The following RPS6KC1 variants were observed in gnomAD, a reference collection of about 807,000 sequenced individuals.
RPS6KC1 encodes the protein inactive ribosomal protein S6 kinase delta-1.
RPS6KC1 carries 54 observed loss-of-function variants against 103.8 expected under a neutral mutation model. The ratio of observed to expected loss-of-function variants is 0.52; its 90% CI spans 0.42 to 0.65. The LOEUF is 0.65. Ranked by LOEUF, RPS6KC1 falls within the 30% of genes least tolerant of loss-of-function variation. The pLI, the probability that RPS6KC1 is intolerant of heterozygous loss-of-function variation, is 0.00. For synonymous variants in RPS6KC1, 439 were observed against 438.7 expected, an observed-to-expected ratio of 1.00 and a Z score of -0.01; for missense variants, 1,151 against 1,253.8, an observed-to-expected ratio of 0.92 and a Z score of 1.24.
At chr1:213,090,834 A>G (rs962452555) in intron 3 of RPS6KC1, among the ~76,000 whole-genome samples, 2 of 152,242 alleles carry the variant, frequency 1.3e-5, no homozygotes, top group Non-Finnish European at 2.9e-5. Context: ...CTACATGTTA[A>G]CATAAAAGGA....
At chr1:213,292,253 T>C in the RPS6KC1 span, among the ~76,000 whole-genome samples, 1 of 9,430 alleles carries the variant, frequency 1.1e-4, no homozygotes, top group East Asian at 0.014. Flanking sequence ...AGTATAATAA[T>C]AATAAAATTA....
intron 3 of RPS6KC1, among the ~76,000 whole-genome samples, chr1:213,091,020 A>C (rs539146994): frequency 1.5e-4 from 23 of 152,224 alleles, no homozygotes; most frequent in African/African-American, 4.6e-4. Flanking sequence ...TACATGAGTA[A>C]AATTCAGGGT....
the RPS6KC1 span, among the ~76,000 whole-genome samples, chr1:213,708,079 A>C: frequency 6.6e-6 from 1 of 152,228 alleles, no homozygotes; most frequent in Admixed American, 6.5e-5. Flanking sequence ...TCTGTGAAGA[A>C]AGTCAATGGT....
At chr1:213,764,172 G>A in the RPS6KC1 span, among the ~76,000 whole-genome samples, 2 of 152,186 alleles carry the variant, frequency 1.3e-5, no homozygotes, top group African/African-American at 4.8e-5. Context: ...ACTTGTTCAG[G>A]TCTTGCTGAG....
Position 213,207,756 on chromosome 1 carries a change from C to A in RPS6KC1, c.1045-22741C>A, listed in dbSNP as rs566327945. On this transcript the variant is annotated intron_variant, in intron 8 of 14. Coordinates refer to ENST00000366960, the MANE Select transcript of RPS6KC1 (RefSeq NM_012424.6). ...TGGCGCGATCTCAGCTCACTGCAACCTCTGCCTCCTGAGTTCAAGTGATTC... is the reference window on the plus strand; with the variant it reads ...TGGCGCGATCTCAGCTCACTGCAACATCTGCCTCCTGAGTTCAAGTGATTC... 5.3e-5 allele frequency among the ~76,000 whole-genome samples: 8 copies of A among 152,244 alleles called. No individual in the cohort carries two copies. In the South Asian group the frequency reaches 1.7e-3, roughly 32 times the overall value.
chr1:213,560,508 A>G, the RPS6KC1 span, among the ~76,000 whole-genome samples: 8 of 152,208 alleles, frequency 5.3e-5, no homozygotes, highest in African/African-American at 4.8e-5. Flanking sequence ...CGGATATACA[A>G]TCACGAGGAA....
intron 12 of RPS6KC1, 38 bp downstream of exon 12, chr1:213,242,696 TG>T: frequency 6.9e-7 from 1 of 1,449,816 alleles, no homozygotes; most frequent in Non-Finnish European, 9.6e-7. Context: ...CTTGAAAAAG[TG>T]GTTCGGCAGC....
chr1:213,190,397 T>C (rs2092705084), intron 8 of RPS6KC1, among the ~76,000 whole-genome samples: 1 of 152,258 alleles, frequency 6.6e-6, no homozygotes, highest in Non-Finnish European at 1.5e-5. Flanking sequence ...ATTTCTCTGA[T>C]GATCAATGAT....
chr1:213,441,326 T>C, the RPS6KC1 span, among the ~76,000 whole-genome samples: 5 of 152,196 alleles, frequency 3.3e-5, no homozygotes, highest in African/African-American at 1.2e-4. Context: ...TTTGAGTTTT[T>C]TATGTATTTC....
At chr1:213,319,305 T>G in the RPS6KC1 span, among the ~76,000 whole-genome samples, 8 of 92,656 alleles carry the variant, frequency 8.6e-5, no homozygotes, top group Admixed American at 1.0e-3. Flanking sequence ...AGAGCGAGAC[T>G]CTGTCTCAAA....
At chr1:213,744,330 A>C in the RPS6KC1 span, among the ~76,000 whole-genome samples, 1 of 152,246 alleles carries the variant, frequency 6.6e-6, no homozygotes, top group African/African-American at 2.4e-5. Flanking sequence ...AACCTCTATC[A>C]GCCTCTAGCC....
chr1:213,464,866 C>T, the RPS6KC1 span, among the ~76,000 whole-genome samples: 10 of 151,788 alleles, frequency 6.6e-5, no homozygotes, highest in Non-Finnish European at 1.2e-4. Context: ...GTGTGGTGTG[C>T]CACATAGTTC....
At chr1:213,645,407 A>C in the RPS6KC1 span, among the ~76,000 whole-genome samples, 1 of 152,186 alleles carries the variant, frequency 6.6e-6, no homozygotes, top group Non-Finnish European at 1.5e-5. Context: ...CCTGCCCCAC[A>C]GGGATAACAA....
At chr1:213,393,478 C>T in the RPS6KC1 span, among the ~76,000 whole-genome samples, 45 of 152,312 alleles carry the variant, frequency 3.0e-4, no homozygotes, top group East Asian at 8.7e-3. Context: ...AATGTATCAC[C>T]ATCCTGCATG....
the RPS6KC1 span, among the ~76,000 whole-genome samples, chr1:213,565,956 T>C: frequency 1.6e-5 from 2 of 126,986 alleles, no homozygotes; most frequent in African/African-American, 3.0e-5. Context: ...TGAAACTCCA[T>C]CTCAAAAAAA....
chr1:213,212,610 GC>G (rs1286205816), intron 8 of RPS6KC1, among the ~76,000 whole-genome samples: 1 of 152,188 alleles, frequency 6.6e-6, no homozygotes, highest in East Asian at 1.9e-4. Context: ...GAATGTAATT[GC>G]TGGTTCATTT....
intron 1 of RPS6KC1, among the ~76,000 whole-genome samples, chr1:213,061,326 G>A (rs915691099): frequency 2.0e-5 from 3 of 152,108 alleles, no homozygotes; most frequent in Non-Finnish European, 2.9e-5. Flanking sequence ...TTATATGGGA[G>A]TTCTTTCACT....
the RPS6KC1 span, among the ~76,000 whole-genome samples, chr1:213,674,682 A>ATGG: frequency 1.3e-5 from 2 of 152,166 alleles, no homozygotes; most frequent in African/African-American, 4.8e-5. Context: ...GCTGGGTTGA[A>ATGG]TGGTAGTTAT....
the RPS6KC1 span, among the ~76,000 whole-genome samples, chr1:213,307,957 C>T: frequency 6.6e-6 from 1 of 152,160 alleles, no homozygotes; most frequent in East Asian, 1.9e-4. Flanking sequence ...AAGTCAAGGT[C>T]TGTGCCAGCC....
Sources: allele counts gnomAD v4.1 joint callset (sites outside exome capture counted in the v4.1 genomes callset), GRCh38; gene constraint gnomAD v4.1.1; transcripts MANE v1.5; gene names NCBI Gene and HGNC (gene_info 2026-07-23, HGNC 2026-07-21).